The following DNAJC19 variants were observed in gnomAD, a reference collection of about 807,000 sequenced individuals.
DNAJC19 encodes mitochondrial import inner membrane translocase subunit TIM14.
In DNAJC19, 15 loss-of-function variants were observed where a neutral mutation model predicts 19.8. The observed-to-expected ratio is 0.76, with a 90% CI of 0.51 to 1.17. The LOEUF (loss-of-function observed/expected upper bound fraction) is 1.17, where lower values mean the gene tolerates loss of function less well. Among genes scored for constraint, DNAJC19 ranks in the 50% most tolerant of loss-of-function variants. The pLI is 0.00. For missense variants in DNAJC19, 105 were observed against 140.9 expected (o/e 0.75, Z 1.29); for synonymous variants, 38 against 42.1 (o/e 0.90, Z 0.38).
chr3:180,985,843 A>G, intron 5 of DNAJC19, 83 bp downstream of exon 5: 6 of 1,208,958 alleles, frequency 5.0e-6, no homozygotes, highest in Non-Finnish European at 7.3e-6. Context: ...CCTTTCTAAT[A>G]GCCAGGAATT....
intron 3 of DNAJC19, 192 bp from the exon 4 acceptor site, chr3:180,987,214 C>T: frequency 1.6e-6 from 1 of 606,284 alleles, no homozygotes; most frequent in Admixed American, 2.9e-5. Context: ...TTTTAATGAT[C>T]ATTAAACAGA....
chr3:180,985,704 C>A, intron 5 of DNAJC19: 1 of 499,196 alleles, frequency 2.0e-6, no homozygotes, highest in Non-Finnish European at 3.6e-6. Context: ...CAGAAAAACC[C>A]ACAAAACATA....
chr3:180,988,972 C>T (rs1715072682), intron 1 of DNAJC19, among the ~76,000 whole-genome samples: 1 of 149,066 alleles, frequency 6.7e-6, no homozygotes, highest in Non-Finnish European at 1.5e-5. Flanking sequence ...TGTGCCACTG[C>T]ACTCCAGCCT....
chr3:180,986,329 T>A (rs970340828), intron 4 of DNAJC19, among the ~76,000 whole-genome samples: 1 of 151,208 alleles, frequency 6.6e-6, no homozygotes, highest in Non-Finnish European at 1.5e-5. Flanking sequence ...TCCCCTAGGC[T>A]GGAGTGCAGT....
intron 3 of DNAJC19, chr3:180,987,725 A>T: frequency 4.7e-6 from 2 of 427,870 alleles, no homozygotes; most frequent in Non-Finnish European, 8.7e-6. Flanking sequence ...AGAGCAGATG[A>T]AGGAAAACAA....
intron 3 of DNAJC19, chr3:180,987,786 T>A: frequency 1.8e-6 from 1 of 549,076 alleles, no homozygotes; most frequent in Non-Finnish European, 3.3e-6. Context: ...AAGTGAAACT[T>A]GGGTCTAGTG....
intron 1 of DNAJC19, among the ~76,000 whole-genome samples, chr3:180,988,834 C>G (rs937958093): frequency 3.4e-5 from 5 of 146,982 alleles, no homozygotes; most frequent in African/African-American, 1.2e-4. Flanking sequence ...AACCCCGTCT[C>G]TACTAAAAAT....
At chr3:180,987,975 T>C in intron 3 of DNAJC19, 48 bp downstream of exon 3, 1 of 1,602,886 alleles carries the variant, frequency 6.2e-7, no homozygotes, top group East Asian at 2.2e-5. Flanking sequence ...TCCCTAAGTG[T>C]GGCTCTAGGT....
intron 1 of DNAJC19, 55 bp from the exon 2 acceptor site, chr3:180,988,284 T>C (rs921154593): frequency 1.2e-6 from 2 of 1,606,796 alleles, no homozygotes; most frequent in Admixed American, 1.7e-5. Context: ...CCCTTTCTCA[T>C]TTTGCCCATT....
chr3:180,984,817 T>C (rs1413878565), intron 5 of DNAJC19, 107 bp from the exon 6 acceptor site: 13 of 757,390 alleles, frequency 1.7e-5, no homozygotes, highest in Admixed American at 1.2e-4. Flanking sequence ...GAGGGAGATT[T>C]AGCAGAAACA....
rs1714789488 is a variant in DNAJC19 at position 180,984,478 on chromosome 3, T to C, written c.*162A>G. The stretch of plus-strand genomic sequence containing the variant: ...GCAAATATTCTAAACTATAATCTGA[T>C]TTAAAATCCCCAAATTTAAACAAGA... On this transcript the variant is annotated 3_prime_UTR_variant, in exon 6 of 6. Coordinates refer to ENST00000382564, the MANE Select transcript of DNAJC19 (RefSeq NM_145261.4). 2 of 655,966 alleles carry C rather than the reference T, an allele frequency of 3.0e-6. No individual in the cohort carries two copies. The highest frequency in any genetic ancestry group is 3.1e-5 in the South Asian group (2 of 64,204). The allele number at this position is 655,966 out of a possible 1,614,324, so 40.6% of individuals were successfully genotyped here. A position where few individuals can be genotyped will look rare whatever the true frequency, so the allele number is the denominator to read the frequency against.
In DNAJC19 at chr3:180,983,956, G is replaced by A. The variant is rs1018290358; in HGVS notation, c.*684C>T. 1.1e-5 allele frequency: 5 copies of A among 453,906 alleles called. No individual in the cohort carries two copies. The highest frequency in any genetic ancestry group is 2.2e-5 in the Non-Finnish European group (5 of 226,748). The allele number at this position is 453,906 out of a possible 1,614,324, so 28.1% of individuals were successfully genotyped here. On this transcript the variant is annotated 3_prime_UTR_variant, in exon 6 of 6. Coordinates refer to ENST00000382564, the MANE Select transcript of DNAJC19 (RefSeq NM_145261.4). The stretch of plus-strand genomic sequence containing the variant: ...CTCATGCCTGTAATCCCAGTACTTT[G>A]GGAGGCTGAGGCGGGAGGACTGCTT...
intron 1 of DNAJC19, 32 bp from the exon 2 acceptor site, chr3:180,988,261 T>G: frequency 6.2e-7 from 1 of 1,612,736 alleles, no homozygotes. Context: ...AATATTTACT[T>G]CTCTAATTCC....
intron 1 of DNAJC19, 44 bp downstream of exon 1, chr3:180,989,556 G>A: frequency 6.4e-7 from 1 of 1,564,958 alleles, no homozygotes; most frequent in Non-Finnish European, 8.7e-7. Flanking sequence ...TGAGGTTGAG[G>A]CCTGGGCCGG....
Position 180,989,642 on chromosome 3 carries a change from C to T in DNAJC19, c.-40G>A, listed in dbSNP as rs746420330. On this transcript the variant is annotated 5_prime_UTR_variant, in exon 1 of 6. Transcript: ENST00000382564. ...TCCCTTGCTTCCACCGGGAGCACGG[C>T]TCATCCCAGCTCAGAGGCCGCGGCC... 2 of 1,578,992 alleles carry T rather than the reference C, an allele frequency of 1.3e-6. No individual in the cohort carries two copies. The highest frequency in any genetic ancestry group is 2.3e-5 in the East Asian group (1 of 43,136).
Position 180,987,887 on chromosome 3 carries a change from A to G in DNAJC19, c.129+136T>C, listed in dbSNP as rs1451372843. 5.8e-6 allele frequency: 6 copies of G among 1,040,496 alleles called. No homozygotes were observed. The African/African-American group carries it at 7.9e-5, about 14-fold the overall frequency. The allele number at this position is 1,040,496 out of a possible 1,614,324, so 64.5% of individuals were successfully genotyped here. On this transcript the variant is annotated intron_variant, in intron 3 of 5. Transcript: ENST00000382564. The stretch of plus-strand genomic sequence containing the variant: ...CACCATCACAAAGTTCAGAACTTCT[A>G]TACTCTCCTTGCAGGAAGCAGGAGA...
rs1448047367 is a variant in DNAJC19, at chr3:180,987,789, G to C, written c.129+234C>G. The C allele has an allele frequency of 9.0e-6, 5 of 556,884 alleles. No homozygotes were observed. The African/African-American group carries it at 9.5e-5, about 11-fold the overall frequency. 34.5% of individuals were successfully genotyped at this position (556,884 alleles called of 1,614,324 possible). A position where few individuals can be genotyped will look rare whatever the true frequency, so the allele number is the denominator to read the frequency against. ...TGGTATGTGAAAAAGTGAAACTTGG[G>C]TCTAGTGGGGTACTAGAATTGTCAA... is the stretch of plus-strand genomic sequence containing the variant. On this transcript the variant is annotated intron_variant, in intron 3 of 5. Transcript: ENST00000382564.
chr3:180,989,083 A>G (rs1401644925), intron 1 of DNAJC19, among the ~76,000 whole-genome samples: 1 of 152,110 alleles, frequency 6.6e-6, no homozygotes, highest in African/African-American at 2.4e-5. Flanking sequence ...CTCCTGTAAA[A>G]TTCTAACAAC....
intron 1 of DNAJC19, chr3:180,989,375 G>T: frequency 2.1e-6 from 3 of 1,429,090 alleles, no homozygotes; most frequent in Non-Finnish European, 2.7e-6. Flanking sequence ...AGCCCGTGCG[G>T]ACAAGAAGCT....
Sources: allele counts gnomAD v4.1 joint callset (sites outside exome capture counted in the v4.1 genomes callset), GRCh38; gene constraint gnomAD v4.1.1; transcripts MANE v1.5; gene names NCBI Gene and HGNC (gene_info 2026-07-23, HGNC 2026-07-21).